The following NLRC5 variants were observed in gnomAD, a reference collection of about 807,000 sequenced individuals.
NLRC5 encodes the protein protein NLRC5.
A neutral mutation model predicts 206.9 loss-of-function variants in NLRC5; 114 were observed. The ratio of observed to expected loss-of-function variants is 0.55; its 90% CI spans 0.47 to 0.64. The LOEUF (loss-of-function observed/expected upper bound fraction) is 0.64. Among genes scored for constraint, NLRC5 ranks in the 30% least tolerant of loss-of-function variants. The pLI is 0.00. For missense variants in NLRC5, 2,008 were observed against 2,305.5 expected (o/e 0.87, Z 2.64); for synonymous variants, 952 against 962.8 (o/e 0.99, Z 0.21).
At chr16:56,995,031 A>C (rs2057426612) in intron 1 of NLRC5, among the ~76,000 whole-genome samples, 1 of 152,150 alleles carries the variant, frequency 6.6e-6, no homozygotes, top group African/African-American at 2.4e-5. Context: ...AAAAATAGCC[A>C]GGTGTGGTGG....
At chr16:57,045,589 C>T in intron 21 of NLRC5, 97 bp downstream of exon 21, 4 of 1,225,200 alleles carry the variant, frequency 3.3e-6, no homozygotes, top group Non-Finnish European at 4.8e-6. Context: ...GACCACTCAG[C>T]TCTCAGTTAA....
chr16:57,075,144 G>A (rs2068238551), intron 39 of NLRC5, among the ~76,000 whole-genome samples: 1 of 148,050 alleles, frequency 6.8e-6, no homozygotes, highest in Non-Finnish European at 1.5e-5. Context: ...GGGCGAACGT[G>A]ATCCTCCTGC....
intron 8 of NLRC5, among the ~76,000 whole-genome samples, chr16:57,029,392 C>T (rs889839734): frequency 6.6e-6 from 1 of 152,148 alleles, no homozygotes; most frequent in African/African-American, 2.4e-5. Context: ...AGGCTGGAAG[C>T]GATGTCTGCA....
chr16:57,022,338 G>A (rs371029592), intron 4 of NLRC5, 23 bp downstream of exon 4: 17 of 1,599,994 alleles, frequency 1.1e-5, no homozygotes, highest in Non-Finnish European at 1.3e-5. Flanking sequence ...GTTGGGGGGT[G>A]GGAAGGGGGT....
At chr16:57,068,082 G>A (rs575358995) in intron 36 of NLRC5, among the ~76,000 whole-genome samples, 29 of 152,246 alleles carry the variant, frequency 1.9e-4, no homozygotes, top group Non-Finnish European at 2.6e-4. Flanking sequence ...AAATAACTGC[G>A]AACTAACACA....
chr16:57,051,967 A>T (rs1469902626), intron 24 of NLRC5, among the ~76,000 whole-genome samples: 3 of 152,158 alleles, frequency 2.0e-5, no homozygotes, highest in African/African-American at 7.2e-5. Context: ...ACCTTAAGAA[A>T]TGGAAGATCT....
intron 11 of NLRC5, among the ~76,000 whole-genome samples, chr16:57,033,211 T>C (rs1049364179): frequency 6.6e-6 from 1 of 152,152 alleles, no homozygotes; most frequent in Non-Finnish European, 1.5e-5. Context: ...TCATCGACAA[T>C]AGCAGCTTCT....
Position 57,028,317 on chromosome 16 carries a change from A to T in NLRC5, c.2175A>T (p.Lys725Asn). ...TACTCTGTAGGTTAGCAGGAAGTAAAATCACTGCCCGAGGCATCAGCCACC... is the reference window on the plus strand; with the variant it reads ...TACTCTGTAGGTTAGCAGGAAGTAATATCACTGCCCGAGGCATCAGCCACC... ...RLQMLGLAGS[K>N]ITARGISHLV... The change falls in exon 8 of 49, where the codon AAA (lysine) becomes AAT (asparagine). Residue 725 changes from lysine to asparagine, a missense_variant. Transcript: ENST00000688547. 6.2e-7 allele frequency: 1 copy of T among 1,614,124 alleles called. No homozygotes were observed. The highest frequency in any genetic ancestry group is 1.6e-4 in the Middle Eastern group (1 of 6,062).
chr16:57,074,027 T>A (rs1010843189), intron 38 of NLRC5: 7 of 152,974 alleles, frequency 4.6e-5, no homozygotes, highest in Non-Finnish European at 2.9e-5. Flanking sequence ...AGATAATATG[T>A]GTTACAGTCT....
rs1271699751 is a variant in NLRC5 at position 57,025,956 on chromosome 16, C to A, written c.1013C>A (p.Pro338His). The A allele has an allele frequency of 6.2e-7, 1 of 1,614,040 alleles. No individual in the cohort carries two copies. Among genetic ancestry groups the A allele is most frequent in the African/African-American group, 1.3e-5 (1 of 74,950 alleles). The change falls in exon 6 of 49, where the codon CCT becomes CAT. Residue 338 changes from proline (P) to histidine (H), a missense_variant. Transcript: ENST00000688547. Reference protein sequence around the residue: ...FSHLCNGTLLPGCRVMATSRP... With the variant: ...FSHLCNGTLLHGCRVMATSRP... ...CATCTCTGCAATGGGACCCTCCTGC[C>A]TGGCTGCCGGGTGATGGCTACCTCC...
rs571765900 is a variant in NLRC5, at chr16:57,051,661, T to C, written c.3506+40T>C. On this transcript the variant is annotated intron_variant, in intron 24 of 48. Coordinates refer to ENST00000688547, the MANE Select transcript of NLRC5 (RefSeq NM_001384950.1). ...TTTCCTATTTCCCGGTTCCTTGTGCTCGTGTTTCTAAGGCTCCTCCATGGC... is the reference window on the plus strand; with the variant it reads ...TTTCCTATTTCCCGGTTCCTTGTGCCCGTGTTTCTAAGGCTCCTCCATGGC... 6.5e-6 allele frequency: 10 copies of C among 1,540,104 alleles called. No homozygotes were observed. In the East Asian group the frequency reaches 2.2e-4, roughly 35 times the overall value.
intron 1 of NLRC5, among the ~76,000 whole-genome samples, chr16:57,006,008 T>A (rs1378904519): frequency 6.6e-6 from 1 of 151,602 alleles, no homozygotes; most frequent in African/African-American, 2.4e-5. Flanking sequence ...GTATACACAT[T>A]TTTTTTTGAG....
chr16:57,033,712 T>C (rs368777281), intron 12 of NLRC5, 43 bp downstream of exon 12: 46 of 1,576,564 alleles, frequency 2.9e-5, no homozygotes, highest in Non-Finnish European at 3.7e-5. Flanking sequence ...GGATATGATA[T>C]GGGGGAAAGT....
At chr16:57,043,012 G>A (rs1482035179) in intron 19 of NLRC5, among the ~76,000 whole-genome samples, 1 of 152,168 alleles carries the variant, frequency 6.6e-6, no homozygotes, top group East Asian at 1.9e-4. Context: ...TCGTGACCTG[G>A]TGCTGTGAGG....
intron 30 of NLRC5, among the ~76,000 whole-genome samples, chr16:57,060,860 C>T (rs1171933178): frequency 3.3e-5 from 5 of 152,232 alleles, no homozygotes; most frequent in Non-Finnish European, 5.9e-5. Flanking sequence ...AGTGAACTGC[C>T]CCGAGGTTCA....
chr16:57,033,341 C>T (rs183813841), intron 11 of NLRC5, among the ~76,000 whole-genome samples: 4 of 152,294 alleles, frequency 2.6e-5, no homozygotes. Context: ...GAAAAGGGAG[C>T]CGACTGCAGT....
At chr16:57,022,216 G>A (rs376012260) in intron 3 of NLRC5, 40 bp from the exon 4 acceptor site, 24 of 1,569,250 alleles carry the variant, frequency 1.5e-5, no homozygotes, top group African/African-American at 6.7e-5. Context: ...AGCATCCCTC[G>A]ACAGCCCCAT....
intron 2 of NLRC5, among the ~76,000 whole-genome samples, chr16:57,020,180 A>C (rs2060501076): frequency 1.3e-5 from 2 of 149,114 alleles, no homozygotes; most frequent in Non-Finnish European, 3.0e-5. Context: ...CCTTCCCCAG[A>C]TCACCTTCCC....
At chr16:57,040,295 A>C (rs1307312437) in intron 16 of NLRC5, among the ~76,000 whole-genome samples, 2 of 152,098 alleles carry the variant, frequency 1.3e-5, no homozygotes, top group Admixed American at 1.3e-4. Context: ...CCCACCCACA[A>C]TCTCTTCTGT....
Sources: gnomAD v4.1 joint callset for allele counts (sites outside exome capture counted in the v4.1 genomes callset) on GRCh38, gnomAD v4.1.1 for gene constraint, MANE v1.5 for transcripts, NCBI Gene and HGNC (gene_info 2026-07-23, HGNC 2026-07-21) for gene names.